SLC16A12: variants seen among roughly 807,000 people sequenced by gnomAD.
The protein encoded by SLC16A12 is monocarboxylate transporter 12.
In SLC16A12, 17 loss-of-function variants were observed where a neutral mutation model predicts 42.4. That is an observed-to-expected ratio of 0.40 (90% CI 0.27 to 0.60). The LOEUF is 0.60. Ranked by LOEUF, SLC16A12 falls within the 20% of genes least tolerant of loss-of-function variation. The pLI, the probability that SLC16A12 is intolerant of heterozygous loss-of-function variation, is 0.42. For synonymous variants in SLC16A12, 224 were observed against 229.4 expected, an observed-to-expected ratio of 0.98 and a Z score of 0.21; for missense variants, 544 against 623.0, an observed-to-expected ratio of 0.87 and a Z score of 1.35.
At chr10:89,539,822 T>C (rs1589736998), upstream of SLC16A12, among the ~76,000 whole-genome samples, 2 of 151,788 alleles carry the variant, frequency 1.3e-5, no homozygotes, top group East Asian at 3.9e-4. Flanking sequence ...GACAAGGAAA[T>C]AGTGAAATTC....
rs1198027716 is a variant in SLC16A12, at chr10:89,551,119, A to G, written c.-47+4763T>C. 4.6e-5 allele frequency among the ~76,000 whole-genome samples: 7 copies of G among 152,178 alleles called. No homozygotes were observed. In the East Asian group the frequency reaches 1.3e-3, roughly 29 times the overall value. ...GTATTCTGGAATTAAACTCTGTTCC[A>G]GAGTTATACTGGTGACCGGTGATCA... On this transcript the variant is annotated intron_variant, in intron 2 of 2. Transcript: ENST00000475682.
intron 1 of SLC16A12, among the ~76,000 whole-genome samples, chr10:89,535,024 C>T (rs1292971349): frequency 2.6e-5 from 4 of 152,060 alleles, no homozygotes; most frequent in South Asian, 2.1e-4. Context: ...CACTGAAAGC[C>T]GGTGTGTTTT....
intron 2 of SLC16A12, among the ~76,000 whole-genome samples, chr10:89,489,631 C>A (rs1258265522): frequency 2.6e-5 from 4 of 152,148 alleles, no homozygotes; most frequent in Non-Finnish European, 5.9e-5. Flanking sequence ...CATGAGCCAC[C>A]GTGCCAGTCC....
Position 89,430,361 on chromosome 10 carries a change from C to A in SLC16A12, c.*2703G>T. The A allele has an allele frequency of 4.4e-6, 1 of 228,618 alleles. No individual in the cohort carries two copies. The highest frequency in any genetic ancestry group is 8.7e-6 in the Non-Finnish European group (1 of 115,396). The allele number at this position is 228,618 out of a possible 1,614,324, so 14.2% of individuals were successfully genotyped here. ...TAAGAAAATATTAGCATAAATATTT[C>A]ATCTATTAATGAAATTACAATCTGA... On this transcript the variant is annotated 3_prime_UTR_variant, in exon 8 of 8. Coordinates refer to ENST00000371790, the MANE Select transcript of SLC16A12 (RefSeq NM_213606.4).
intron 2 of SLC16A12, among the ~76,000 whole-genome samples, chr10:89,468,615 T>C (rs1382645991): frequency 3.3e-5 from 5 of 152,218 alleles, no homozygotes; most frequent in Non-Finnish European, 5.9e-5. Flanking sequence ...CAAGGTTATA[T>C]GGCTGTTCAC....
chr10:89,460,140 A>T (rs1842272800), intron 3 of SLC16A12, among the ~76,000 whole-genome samples: 1 of 152,074 alleles, frequency 6.6e-6, no homozygotes, highest in Admixed American at 6.6e-5. Flanking sequence ...TACCCCTAAG[A>T]TTCCAGCATG....
At chr10:89,458,610 T>C (rs1842239172) in intron 3 of SLC16A12, among the ~76,000 whole-genome samples, 1 of 152,176 alleles carries the variant, frequency 6.6e-6, no homozygotes, top group African/African-American at 2.4e-5. Context: ...CATCATCAAA[T>C]TCATACTTAG....
At chr10:89,548,908 G>A (rs573512969) in intron 2 of SLC16A12, among the ~76,000 whole-genome samples, 21 of 152,292 alleles carry the variant, frequency 1.4e-4, no homozygotes, top group Admixed American at 6.5e-5. Context: ...GAGTGGAGAG[G>A]GATGTACACC....
chr10:89,477,116 C>T (rs1842593386), intron 2 of SLC16A12, among the ~76,000 whole-genome samples: 1 of 152,166 alleles, frequency 6.6e-6, no homozygotes, highest in African/African-American at 2.4e-5. Context: ...TACGGATGGT[C>T]GTTTTTGTTC....
intron 2 of SLC16A12, among the ~76,000 whole-genome samples, chr10:89,544,221 G>A (rs985896736): frequency 3.3e-5 from 5 of 152,224 alleles, no homozygotes; most frequent in African/African-American, 9.6e-5. Flanking sequence ...CTGCTGTGCA[G>A]GTTGGTGGTT....
At chr10:89,487,996 A>ACG (rs976861609) in intron 2 of SLC16A12, among the ~76,000 whole-genome samples, 5 of 85,348 alleles carry the variant, frequency 5.9e-5, no homozygotes, top group African/African-American at 2.2e-4. Context: ...ATATATATAT[A>ACG]CACACACACA....
intron 2 of SLC16A12, among the ~76,000 whole-genome samples, chr10:89,554,052 G>GAA (rs1179776099): frequency 6.0e-5 from 4 of 66,672 alleles, no homozygotes; most frequent in African/African-American, 1.9e-4. Flanking sequence ...AAGAAAGAAA[G>GAA]AAAGAAAGAA....
At chr10:89,444,787 G>A (rs7099111) in intron 3 of SLC16A12, among the ~76,000 whole-genome samples, 9,115 of 152,226 alleles carry the variant, frequency 0.06, 554 homozygotes, top group African/African-American at 0.16. Flanking sequence ...AGGGGGAGCC[G>A]AAGCAGGGTG....
At chr10:89,440,977 G>C in intron 5 of SLC16A12, 131 bp downstream of exon 5, 1 of 1,098,056 alleles carries the variant, frequency 9.1e-7, no homozygotes, top group South Asian at 1.3e-5. Context: ...CTGCTAGGTA[G>C]GTAGACATAA....
At chr10:89,512,334 A>G (rs946696573) in intron 2 of SLC16A12, among the ~76,000 whole-genome samples, 1 of 152,222 alleles carries the variant, frequency 6.6e-6, no homozygotes, top group South Asian at 2.1e-4. Flanking sequence ...AAAACTTCAA[A>G]TCTTGTAGGT....
intron 2 of SLC16A12, among the ~76,000 whole-genome samples, chr10:89,470,492 G>A (rs762006242): frequency 6.6e-6 from 1 of 152,194 alleles, no homozygotes; most frequent in Non-Finnish European, 1.5e-5. Flanking sequence ...CCCACTGACT[G>A]TCCTTCACCT....
chr10:89,483,237 C>T (rs1282964377), intron 2 of SLC16A12, among the ~76,000 whole-genome samples: 1 of 152,138 alleles, frequency 6.6e-6, no homozygotes, highest in Non-Finnish European at 1.5e-5. Context: ...TATGGGCCTC[C>T]TTCAACCTTA....
chr10:89,553,383 C>T (rs137988549), intron 2 of SLC16A12, among the ~76,000 whole-genome samples: 2 of 152,342 alleles, frequency 1.3e-5, no homozygotes, highest in Non-Finnish European at 2.9e-5. Context: ...TTAGGTACTA[C>T]ACTCTTTGTT....
chr10:89,554,056 GA>G (rs1232102109), intron 2 of SLC16A12, among the ~76,000 whole-genome samples: 1 of 76,508 alleles, frequency 1.3e-5, no homozygotes, highest in African/African-American at 5.5e-5. Flanking sequence ...AAGAAAGAAA[GA>G]AAGAAAGAAA....
Sources: allele counts gnomAD v4.1 joint callset (sites outside exome capture counted in the v4.1 genomes callset), GRCh38; gene constraint gnomAD v4.1.1; transcripts MANE v1.5; gene names NCBI Gene and HGNC (gene_info 2026-07-23, HGNC 2026-07-21).